Variants in XKR6 observed in about 807,000 individuals in gnomAD.
XKR6 encodes the protein XK-related protein 6.
In XKR6, 22 loss-of-function variants were observed where a neutral mutation model predicts 56.7. The ratio of observed to expected loss-of-function variants is 0.39; its 90% confidence interval spans 0.28 to 0.55. The LOEUF (loss-of-function observed/expected upper bound fraction) is 0.55. XKR6 is among the 20% of genes least tolerant of loss of function. The pLI is 0.66. For missense variants in XKR6, 852 were observed against 889.0 expected, an observed-to-expected ratio of 0.96 and a Z score of 0.53; for synonymous variants, 524 against 387.8, an observed-to-expected ratio of 1.35 and a Z score of -4.13.
At chr8:10,992,326 A>C (rs1427299800) in intron 1 of XKR6, among the ~76,000 whole-genome samples, 1 of 152,072 alleles carries the variant, frequency 6.6e-6, no homozygotes, top group Non-Finnish European at 1.5e-5. Context: ...CCAGAGACCA[A>C]CAGATTTTAG....
intron 1 of XKR6, among the ~76,000 whole-genome samples, chr8:10,963,546 CTT>C (rs35470964): frequency 5.8e-4 from 84 of 146,086 alleles, no homozygotes; most frequent in African/African-American, 8.3e-4. Context: ...AAGACCCTTC[CTT>C]TTTTTTTTTT....
chr8:11,141,022 C>A (rs561664469), intron 1 of XKR6, among the ~76,000 whole-genome samples: 38 of 151,902 alleles, frequency 2.5e-4, no homozygotes, highest in South Asian at 1.5e-3. Context: ...CAGTTACTTG[C>A]AGAATCAAGT....
chr8:11,128,641 T>A lies in XKR6; in HGVS notation c.764+71935A>T, dbSNP rs1160009994. Among the ~76,000 whole-genome samples the A allele has an allele frequency of 3.3e-5, 5 of 152,312 alleles. No homozygotes were observed. The East Asian group carries it at 7.7e-4, about 24-fold the overall frequency. On this transcript the variant is annotated intron_variant, in intron 1 of 2. Coordinates refer to ENST00000416569, the MANE Select transcript of XKR6 (RefSeq NM_173683.4). ...CGCAGTACTCTACTGTCCTAGAGTA[T>A]AACCCTGTTGTAGAGAATGATACAC...
chr8:10,968,063 C>T (rs372819486), intron 1 of XKR6, among the ~76,000 whole-genome samples: 1 of 152,198 alleles, frequency 6.6e-6, no homozygotes, highest in Admixed American at 6.5e-5. Flanking sequence ...CCCAGCCTTT[C>T]CTGTGAGCGA....
chr8:11,112,994 T>G (rs1171257650), intron 1 of XKR6, among the ~76,000 whole-genome samples: 1 of 152,106 alleles, frequency 6.6e-6, no homozygotes, highest in Non-Finnish European at 1.5e-5. Context: ...AAGAGAAACA[T>G]GAAAATAAAG....
At chr8:10,988,419 T>C (rs1797912064) in intron 1 of XKR6, among the ~76,000 whole-genome samples, 1 of 152,228 alleles carries the variant, frequency 6.6e-6, no homozygotes, top group Non-Finnish European at 1.5e-5. Flanking sequence ...ACCTTTTGTT[T>C]TTTGTTCTGT....
chr8:10,937,678 C>T (rs1405586919), intron 1 of XKR6, among the ~76,000 whole-genome samples: 27 of 148,646 alleles, frequency 1.8e-4, no homozygotes, highest in African/African-American at 5.7e-4. Context: ...TGTCAGTGTG[C>T]CCCTGCTGGG....
intron 2 of XKR6, among the ~76,000 whole-genome samples, chr8:10,914,065 T>C (rs142083168): frequency 7.6e-4 from 115 of 152,270 alleles, no homozygotes; most frequent in African/African-American, 2.6e-3. Context: ...CCCCTGGAAC[T>C]CCTCTTGGCG....
chr8:11,135,527 A>G (rs1335527221), intron 1 of XKR6, among the ~76,000 whole-genome samples: 1 of 152,222 alleles, frequency 6.6e-6, no homozygotes, highest in Non-Finnish European at 1.5e-5. Context: ...ACTATAGTTT[A>G]AATAGTTGAT....
intron 1 of XKR6, among the ~76,000 whole-genome samples, chr8:10,976,036 C>T (rs981874657): frequency 2.6e-5 from 4 of 151,880 alleles, no homozygotes; most frequent in African/African-American, 9.7e-5. Context: ...ATTAGCTGGG[C>T]GCAATGGCGG....
chr8:11,117,368 C>G (rs952612075), intron 1 of XKR6, among the ~76,000 whole-genome samples: 2 of 152,180 alleles, frequency 1.3e-5, no homozygotes, highest in African/African-American at 4.8e-5. Flanking sequence ...CTGTGGGAGT[C>G]CTGCAACTTC....
rs1196874380 is a variant in XKR6 at position 11,097,807 on chromosome 8, CAAAAAAA to C, written c.764+102762_764+102768del. ...GGGGGACAAGAGCTAGACTCCATCTCAAAAAAAAAAAAAAAAAAAAATTATACAAATG... is the reference window on the plus strand; with the variant it reads ...GGGGGACAAGAGCTAGACTCCATCTCAAAAAAAAAAAAAATTATACAAATG... On this transcript the variant is annotated intron_variant, in intron 1 of 2. Transcript: ENST00000416569. Among the ~76,000 whole-genome samples, 36 of 62,952 alleles carry C rather than the reference CAAAAAAA, an allele frequency of 5.7e-4. No individual in the cohort carries two copies. The South Asian group carries it at 0.019, about 34-fold the overall frequency. 41.3% of individuals were successfully genotyped at this position (62,952 alleles called of 152,430 possible). A position where few individuals can be genotyped will look rare whatever the true frequency, so the allele number is the denominator to read the frequency against.
intron 1 of XKR6, among the ~76,000 whole-genome samples, chr8:11,134,203 A>T (rs537564435): frequency 6.6e-6 from 1 of 152,200 alleles, no homozygotes; most frequent in South Asian, 2.1e-4. Flanking sequence ...CTATGTCCCC[A>T]AACAACCCTC....
intron 1 of XKR6, among the ~76,000 whole-genome samples, chr8:11,177,689 C>T (rs557437237): frequency 4.6e-5 from 7 of 152,316 alleles, no homozygotes; most frequent in African/African-American, 1.2e-4. Flanking sequence ...TGAGGTTAGA[C>T]GGCTGCAAGC....
At chr8:10,929,617 C>T (rs574513924) in intron 1 of XKR6, among the ~76,000 whole-genome samples, 3 of 152,352 alleles carry the variant, frequency 2.0e-5, no homozygotes, top group Admixed American at 6.5e-5. Flanking sequence ...GCTGTGTTAC[C>T]TTGAGGGACA....
At chr8:10,964,337 G>T (rs1802152576) in intron 1 of XKR6, among the ~76,000 whole-genome samples, 1 of 152,178 alleles carries the variant, frequency 6.6e-6, no homozygotes, top group African/African-American at 2.4e-5. Flanking sequence ...AATGGAGCAG[G>T]TTGAACCCCT....
chr8:11,005,288 T>G (rs1320579834), intron 1 of XKR6, among the ~76,000 whole-genome samples: 1 of 152,092 alleles, frequency 6.6e-6, no homozygotes, highest in Non-Finnish European at 1.5e-5. Flanking sequence ...CATTTAATAT[T>G]TTTGGACTAT....
chr8:11,131,635 T>C (rs1326528578), intron 1 of XKR6, among the ~76,000 whole-genome samples: 1 of 152,142 alleles, frequency 6.6e-6, no homozygotes, highest in African/African-American at 2.4e-5. Flanking sequence ...GTTGTCTAGC[T>C]CTCCTTTTCC....
intron 1 of XKR6, among the ~76,000 whole-genome samples, chr8:11,180,188 G>T (rs754203687): frequency 2.0e-5 from 3 of 152,114 alleles, no homozygotes; most frequent in Non-Finnish European, 4.4e-5. Flanking sequence ...TAACAAAAGT[G>T]CTTTGTCTGG....
Sources: allele counts gnomAD v4.1 joint callset (sites outside exome capture counted in the v4.1 genomes callset), GRCh38; gene constraint gnomAD v4.1.1; transcripts MANE v1.5; gene names NCBI Gene and HGNC (gene_info 2026-07-23, HGNC 2026-07-21).